PTPRG: variants seen among roughly 807,000 people sequenced by gnomAD.
PTPRG encodes protein tyrosine phosphatase receptor type G, also known as receptor-type tyrosine-protein phosphatase gamma.
Under a neutral mutation model 165.3 loss-of-function variants are expected in PTPRG, and 102 were observed. The observed-to-expected ratio is 0.62, with a 90% CI of 0.53 to 0.73. The LOEUF is 0.73. Among genes scored for constraint, PTPRG ranks in the 30% least tolerant of loss-of-function variants. The pLI, the probability that PTPRG is intolerant of heterozygous loss-of-function variation, is 0.00. For synonymous variants in PTPRG, 675 were observed against 669.5 expected (o/e 1.01, Z -0.13); for missense variants, 1,866 against 1,861.4 (o/e 1.00, Z -0.05).
chr3:61,759,646 C>T (rs919066480), intron 2 of PTPRG, among the ~76,000 whole-genome samples: 2 of 152,016 alleles, frequency 1.3e-5, no homozygotes, highest in African/African-American at 4.8e-5. Flanking sequence ...AGAGTGAGAC[C>T]CTGTCTCAAA....
chr3:61,608,047 A>C (rs1376817954), intron 1 of PTPRG, among the ~76,000 whole-genome samples: 3 of 151,968 alleles, frequency 2.0e-5, no homozygotes, highest in Non-Finnish European at 4.4e-5. Context: ...TTACTGCATG[A>C]GGGCTGAAAT....
chr3:61,722,226 C>CAG (rs1485101469), intron 1 of PTPRG, among the ~76,000 whole-genome samples: 2 of 144,496 alleles, frequency 1.4e-5, no homozygotes, highest in African/African-American at 5.2e-5. Context: ...AACAAATACA[C>CAG]ACACACACAC....
intron 4 of PTPRG, among the ~76,000 whole-genome samples, chr3:62,027,858 CT>C (rs1345978364): frequency 6.6e-6 from 1 of 152,232 alleles, no homozygotes; most frequent in African/African-American, 2.4e-5. Context: ...AAGAGAGGCA[CT>C]TTTTTTGTGT....
intron 2 of PTPRG, among the ~76,000 whole-genome samples, chr3:61,974,267 T>C (rs1219028262): frequency 1.3e-5 from 2 of 152,140 alleles, no homozygotes; most frequent in African/African-American, 4.8e-5. Context: ...ACCTTAATCT[T>C]GCAACGTTTA....
intron 2 of PTPRG, among the ~76,000 whole-genome samples, chr3:61,781,518 C>A (rs575219974): frequency 5.3e-5 from 8 of 152,280 alleles, no homozygotes; most frequent in Non-Finnish European, 1.0e-4. Context: ...GACCTCTCCA[C>A]TGAATAAAAA....
intron 1 of PTPRG, among the ~76,000 whole-genome samples, chr3:61,702,255 A>T (rs2031008079): frequency 6.6e-6 from 1 of 152,126 alleles, no homozygotes; most frequent in Non-Finnish European, 1.5e-5. Context: ...CTGGGATTAC[A>T]GGCGTGAGCC....
chr3:61,908,910 A>T (rs377606303), intron 2 of PTPRG, among the ~76,000 whole-genome samples: 12 of 152,338 alleles, frequency 7.9e-5, no homozygotes, highest in African/African-American at 2.9e-4. Context: ...GGGGTCTGAA[A>T]TACTGCCCCC....
At chr3:62,125,649 C>G (rs1027559107) in intron 5 of PTPRG, among the ~76,000 whole-genome samples, 1 of 151,472 alleles carries the variant, frequency 6.6e-6, no homozygotes, top group South Asian at 2.1e-4. Context: ...AAATAAGCTC[C>G]TTTTGCCCCA....
chr3:61,975,664 C>CT lies in PTPRG; in HGVS notation c.191-13949dup, dbSNP rs3069594. ...ATTCTACCTATTTTTCTGAAGAATA[C>CT]TTTTTTTTTTTTATGGTGGCAACTT... On this transcript the variant is annotated intron_variant, in intron 2 of 29. Coordinates refer to ENST00000474889, the MANE Select transcript of PTPRG (RefSeq NM_002841.4). 1.0e-3 allele frequency among the ~76,000 whole-genome samples: 155 copies of CT among 149,478 alleles called. 3 individuals carry two copies. The South Asian group carries it at 0.024, about 23-fold the overall frequency.
chr3:61,821,231 G>A (rs1017736184), intron 2 of PTPRG, among the ~76,000 whole-genome samples: 27 of 151,676 alleles, frequency 1.8e-4, no homozygotes, highest in African/African-American at 5.3e-4. Flanking sequence ...GTGCAGTGGC[G>A]TGATCTTGGC....
intron 2 of PTPRG, among the ~76,000 whole-genome samples, chr3:61,753,408 G>A (rs928030975): frequency 9.2e-5 from 14 of 152,040 alleles, no homozygotes; most frequent in African/African-American, 3.4e-4. Flanking sequence ...ATTTTACTCA[G>A]TTAAAGTATA....
chr3:62,282,567 C>A (rs939802705), intron 27 of PTPRG, among the ~76,000 whole-genome samples, 160 bp from the exon 28 acceptor site: 3 of 145,272 alleles, frequency 2.1e-5, no homozygotes, highest in South Asian at 2.2e-4. Context: ...AAAAAAAAAA[C>A]CTTCCTGGTA....
At chr3:61,718,175 G>A (rs910360808) in intron 1 of PTPRG, among the ~76,000 whole-genome samples, 12 of 133,810 alleles carry the variant, frequency 9.0e-5, no homozygotes, top group African/African-American at 3.3e-4. Flanking sequence ...GCAAGACCCT[G>A]TCTAAAACAA....
intron 2 of PTPRG, among the ~76,000 whole-genome samples, chr3:61,885,256 G>T (rs1221873097): frequency 2.0e-5 from 3 of 152,084 alleles, no homozygotes; most frequent in Non-Finnish European, 4.4e-5. Flanking sequence ...AATTTTGACT[G>T]CAGATCTCTA....
At chr3:61,960,028 G>A (rs2040115657) in intron 2 of PTPRG, among the ~76,000 whole-genome samples, 1 of 152,096 alleles carries the variant, frequency 6.6e-6, no homozygotes, top group Non-Finnish European at 1.5e-5. Context: ...ATCCATCAGA[G>A]CTCAGCTTAC....
chr3:61,935,194 CT>C (rs1250454641), intron 2 of PTPRG, among the ~76,000 whole-genome samples: 2 of 152,208 alleles, frequency 1.3e-5, no homozygotes, highest in Non-Finnish European at 2.9e-5. Context: ...AGCTGAGGTC[CT>C]TCCCCCATCC....
chr3:62,198,621 A>T (rs1052030032), intron 10 of PTPRG, among the ~76,000 whole-genome samples: 1 of 152,254 alleles, frequency 6.6e-6, no homozygotes, highest in Non-Finnish European at 1.5e-5. Context: ...ATTATATTCA[A>T]TACAGTTGTC....
intron 5 of PTPRG, among the ~76,000 whole-genome samples, chr3:62,117,730 A>G (rs2106878704): frequency 6.6e-6 from 1 of 152,316 alleles, no homozygotes; most frequent in East Asian, 1.9e-4. Flanking sequence ...TAATATCACA[A>G]TTACACAATT....
chr3:62,160,106 A>G (rs757577397), intron 7 of PTPRG, among the ~76,000 whole-genome samples: 1 of 152,170 alleles, frequency 6.6e-6, no homozygotes, highest in South Asian at 2.1e-4. Context: ...CTACTTCTCT[A>G]CAGTCTCTGT....
Sources: gnomAD v4.1 joint callset for allele counts (sites outside exome capture counted in the v4.1 genomes callset) on GRCh38, gnomAD v4.1.1 for gene constraint, MANE v1.5 for transcripts, NCBI Gene and HGNC (gene_info 2026-07-23, HGNC 2026-07-21) for gene names.